Variants in SLC24A2 observed in about 807,000 individuals in gnomAD.
SLC24A2 encodes the protein solute carrier family 24 member 2, also known as sodium/potassium/calcium exchanger 2.
In SLC24A2, 36 loss-of-function variants were observed where a neutral mutation model predicts 62.0. That is an observed-to-expected ratio of 0.58 (90% CI 0.44 to 0.77). The LOEUF is 0.77. Ranked by LOEUF, SLC24A2 falls within the 30% of genes least tolerant of loss-of-function variation. The pLI is 0.00. For synonymous variants in SLC24A2, 358 were observed against 294.0 expected (o/e 1.22, Z -2.23); for missense variants, 846 against 817.9 (o/e 1.03, Z -0.42).
chr9:19,778,810 T>C (rs1490627791), intron 2 of SLC24A2, among the ~76,000 whole-genome samples: 3 of 151,974 alleles, frequency 2.0e-5, no homozygotes, highest in Middle Eastern at 6.8e-3. Context: ...TGGTTAAGAA[T>C]CAATAAAACA....
the SLC24A2 span, among the ~76,000 whole-genome samples, chr9:19,932,029 G>T: frequency 5.3e-4 from 80 of 151,968 alleles, 1 homozygote; most frequent in African/African-American, 1.8e-3. Context: ...AGCCATCATG[G>T]TCAACAGCTG....
intron 7 of SLC24A2, among the ~76,000 whole-genome samples, chr9:19,567,174 GA>G (rs55924253): frequency 0.18 from 24,374 of 138,010 alleles, 2,893 homozygotes; most frequent in African/African-American, 0.36. Context: ...AAAGAATCTG[GA>G]AAAAAAAAAA....
the SLC24A2 span, among the ~76,000 whole-genome samples, chr9:20,102,721 G>T: frequency 6.6e-6 from 1 of 151,536 alleles, no homozygotes; most frequent in Non-Finnish European, 1.5e-5. Flanking sequence ...TGGCAGCCAA[G>T]ATGGCCGAAT....
At chr9:19,691,538 TC>T (rs1820046511) in intron 2 of SLC24A2, among the ~76,000 whole-genome samples, 1 of 152,172 alleles carries the variant, frequency 6.6e-6, no homozygotes. Context: ...GGGTTCTATC[TC>T]TGCGATTATT....
chr9:19,991,041 CAT>C, the SLC24A2 span, among the ~76,000 whole-genome samples: 5 of 69,392 alleles, frequency 7.2e-5, no homozygotes, highest in Admixed American at 3.8e-4. Context: ...TACACACATA[CAT>C]ACATACATAC....
chr9:19,534,241 TTC>T (rs1424223756), intron 8 of SLC24A2, among the ~76,000 whole-genome samples: 1 of 152,250 alleles, frequency 6.6e-6, no homozygotes, highest in African/African-American at 2.4e-5. Flanking sequence ...CAAATCCAGC[TTC>T]TCTCACTAAT....
the SLC24A2 span, among the ~76,000 whole-genome samples, chr9:19,990,262 T>C: frequency 6.6e-6 from 1 of 152,050 alleles, no homozygotes; most frequent in Non-Finnish European, 1.5e-5. Context: ...GTCTCCCCCT[T>C]ATCCATGGTT....
chr9:20,190,054 A>G, the SLC24A2 span, among the ~76,000 whole-genome samples: 1 of 152,158 alleles, frequency 6.6e-6, no homozygotes, highest in African/African-American at 2.4e-5. Context: ...GCAGGGGTTA[A>G]TTAATTTCCT....
At chr9:20,089,606 C>G in the SLC24A2 span, among the ~76,000 whole-genome samples, 1 of 152,010 alleles carries the variant, frequency 6.6e-6, no homozygotes, top group Non-Finnish European at 1.5e-5. Context: ...AACAGTCACC[C>G]CACCCAGAGT....
At chr9:20,110,880 T>A in the SLC24A2 span, among the ~76,000 whole-genome samples, 3 of 152,208 alleles carry the variant, frequency 2.0e-5, no homozygotes, top group Non-Finnish European at 4.4e-5. Context: ...TTATCAAATT[T>A]TAACATCTCT....
At position 19,754,471 on chromosome 9, in the gene SLC24A2, C is replaced by T. The variant is rs541362422; in HGVS notation, c.930+31466G>A. 3.4e-4 allele frequency among the ~76,000 whole-genome samples: 52 copies of T among 152,284 alleles called. 1 individual carries two copies. In the South Asian group the frequency reaches 0.01, roughly 30 times the overall value. The stretch of plus-strand genomic sequence containing the variant: ...GCCCAGTGTCTATTCCACTTTCCTT[C>T]TAGCATGCCTTCCTGATCTGCAGAG... On this transcript the variant is annotated intron_variant, in intron 2 of 10. Coordinates refer to ENST00000341998, the MANE Select transcript of SLC24A2 (RefSeq NM_020344.4).
chr9:19,561,053 G>C (rs955312356), intron 7 of SLC24A2, among the ~76,000 whole-genome samples: 1 of 151,940 alleles, frequency 6.6e-6, no homozygotes, highest in East Asian at 1.9e-4. Context: ...AGCCTCCCGA[G>C]TAGCTGGGAT....
At chr9:20,190,172 G>A in the SLC24A2 span, among the ~76,000 whole-genome samples, 5 of 152,166 alleles carry the variant, frequency 3.3e-5, no homozygotes, top group African/African-American at 1.2e-4. Context: ...GTATGTGGTT[G>A]CTCTGCTGGT....
chr9:20,302,192 A>C, the SLC24A2 span, among the ~76,000 whole-genome samples: 23 of 152,216 alleles, frequency 1.5e-4, no homozygotes, highest in African/African-American at 5.5e-4. Flanking sequence ...GCTGCTATTA[A>C]CATCTGTGTG....
chr9:20,280,249 G>C, the SLC24A2 span, among the ~76,000 whole-genome samples: 3 of 152,176 alleles, frequency 2.0e-5, no homozygotes, highest in African/African-American at 7.2e-5. Context: ...GGGAGCCCTG[G>C]AATACAAATT....
intron 1 of SLC24A2, 150 bp downstream of exon 1, chr9:19,788,735 G>C: frequency 1.0e-6 from 1 of 985,424 alleles, no homozygotes; most frequent in Non-Finnish European, 1.2e-6. Flanking sequence ...CAGAGAGTTG[G>C]CTAACTCCTA....
In SLC24A2 at chr9:19,786,910, C is replaced by T; in HGVS notation, c.-44G>A. 1 of 1,598,042 alleles carries T rather than the reference C, an allele frequency of 6.3e-7. No homozygotes were observed. Among genetic ancestry groups the T allele is most frequent in the Non-Finnish European group, 8.5e-7 (1 of 1,178,662 alleles). On this transcript the variant is annotated 5_prime_UTR_variant, in exon 2 of 11. The change abolishes the stop of an existing upstream ORF in the 5' untranslated region. Transcript: ENST00000341998. The surrounding 1 kb of genome is among the most constrained non-coding windows in gnomAD (Gnocchi z 5.0). ...TATGGTGATCTTCCAACTTTAGACTCAACCAGATGGTTCTTTCATACTTTT... is the reference window on the plus strand; with the variant it reads ...TATGGTGATCTTCCAACTTTAGACTTAACCAGATGGTTCTTTCATACTTTT...
the SLC24A2 span, among the ~76,000 whole-genome samples, chr9:20,102,417 C>T: frequency 1.3e-5 from 2 of 151,278 alleles, no homozygotes; most frequent in Non-Finnish European, 2.9e-5. Context: ...CTGCATGTTC[C>T]CACTCCTAAG....
chr9:19,958,709 C>A, the SLC24A2 span, among the ~76,000 whole-genome samples: 1 of 152,088 alleles, frequency 6.6e-6, no homozygotes, highest in Non-Finnish European at 1.5e-5. Flanking sequence ...ATCAAATAGT[C>A]TTTGTTCTCA....
Sources: gnomAD v4.1 joint callset for allele counts (sites outside exome capture counted in the v4.1 genomes callset) on GRCh38, gnomAD v4.1.1 for gene constraint, Gnocchi (gnomAD v3.1) non-coding constraint, MANE v1.5 for transcripts, NCBI Gene and HGNC (gene_info 2026-07-23, HGNC 2026-07-21) for gene names.